The following RBFOX1 variants were observed in gnomAD, a reference collection of about 807,000 sequenced individuals.
The protein encoded by RBFOX1 is RNA binding fox-1 homolog 1, also known as RNA binding protein fox-1 homolog 1.
RBFOX1 carries 8 observed loss-of-function variants against 57.7 expected under a neutral mutation model. The observed-to-expected ratio is 0.14, with a 90% CI of 0.08 to 0.25. RBFOX1 has a LOEUF of 0.25. Among genes scored for constraint, RBFOX1 ranks in the 10% least tolerant of loss-of-function variants. The pLI, the probability that RBFOX1 is intolerant of heterozygous loss-of-function variation, is 1.00. For missense variants in RBFOX1, 611 were observed against 548.5 expected (o/e 1.11, Z -1.14); for synonymous variants, 326 against 222.4 (o/e 1.47, Z -4.15).
chr16:5,295,727 C>G (rs985791866), intron 1 of RBFOX1, among the ~76,000 whole-genome samples: 8 of 152,206 alleles, frequency 5.3e-5, no homozygotes, highest in Non-Finnish European at 1.0e-4. Flanking sequence ...AACGTAATCA[C>G]TACATCCCAT....
At chr16:6,066,724 C>T (rs1475141310) in intron 1 of RBFOX1, among the ~76,000 whole-genome samples, 1 of 152,076 alleles carries the variant, frequency 6.6e-6, no homozygotes. Flanking sequence ...TATACTGTGC[C>T]AAGCATTGGC....
rs73530031 is a variant in RBFOX1 at position 5,800,404 on chromosome 16, G to A, written c.319-66899G>A. On this transcript the variant is annotated intron_variant, in intron 3 of 19. Transcript: ENST00000641259. ...GGACATCCTGTGACCAGGACTTGAT[G>A]GACATGGGTGAAGGGAGGGGCAGGT... 5.4e-3 allele frequency among the ~76,000 whole-genome samples: 822 copies of A among 152,272 alleles called. 4 individuals are homozygous for A. The highest frequency in any genetic ancestry group is 0.019 in the African/African-American group (773 of 41,550).
At chr16:5,379,626 C>T (rs138317752) in intron 1 of RBFOX1, among the ~76,000 whole-genome samples, 7 of 152,298 alleles carry the variant, frequency 4.6e-5, no homozygotes, top group Non-Finnish European at 1.0e-4. Flanking sequence ...GTAACTTCCT[C>T]TCCATGAGCT....
At chr16:5,816,194 C>T (rs190185882) in intron 3 of RBFOX1, among the ~76,000 whole-genome samples, 3 of 152,316 alleles carry the variant, frequency 2.0e-5, no homozygotes, top group East Asian at 3.9e-4. Context: ...ATCTCTGCTA[C>T]ATCCTTAGGC....
intron 1 of RBFOX1, among the ~76,000 whole-genome samples, chr16:6,160,307 G>A (rs4786828): frequency 0.67 from 102,537 of 152,020 alleles, 35,086 homozygotes; most frequent in African/African-American, 0.75. Context: ...ACATGATATT[G>A]TAGGATATAT....
chr16:7,581,751 C>A (rs140383084), intron 6 of RBFOX1, among the ~76,000 whole-genome samples: 1 of 152,170 alleles, frequency 6.6e-6, no homozygotes, highest in Non-Finnish European at 1.5e-5. Context: ...AGTTCTCACT[C>A]TGCTACCCAG....
At chr16:5,788,027 C>G (rs965939268) in intron 3 of RBFOX1, among the ~76,000 whole-genome samples, 1 of 152,156 alleles carries the variant, frequency 6.6e-6, no homozygotes, top group Non-Finnish European at 1.5e-5. Flanking sequence ...CTTGTTTACA[C>G]CTATAGAATG....
chr16:6,931,340 T>TCTATCTACAC lies in RBFOX1; in HGVS notation c.-15-120717_-15-120716insCTATCTACAC, dbSNP rs139959481. On this transcript the variant is annotated intron_variant, in intron 3 of 15. Coordinates refer to ENST00000550418, the MANE Select transcript of RBFOX1 (RefSeq NM_018723.4). ...ATCTATCTATCTATCTATCTATCTC[T>TCTATCTACAC]ACACACACACACACACACACACATA... 5.3e-3 allele frequency among the ~76,000 whole-genome samples: 566 copies of TCTATCTACAC among 106,916 alleles called. 3 individuals carry two copies. Among genetic ancestry groups the TCTATCTACAC allele is most frequent in the African/African-American group, 0.017 (520 of 30,122 alleles). 70.1% of individuals were successfully genotyped at this position (106,916 alleles called of 152,430 possible).
chr16:5,795,717 C>G (rs2151742345), intron 3 of RBFOX1, among the ~76,000 whole-genome samples: 1 of 152,324 alleles, frequency 6.6e-6, no homozygotes, highest in Admixed American at 6.5e-5. Context: ...CTAAATAGAT[C>G]CATTTCCCCC....
At chr16:6,612,409 A>G (rs1601515594) in intron 2 of RBFOX1, among the ~76,000 whole-genome samples, 1 of 152,242 alleles carries the variant, frequency 6.6e-6, no homozygotes, top group Admixed American at 6.5e-5. Context: ...TCATGTATGC[A>G]TATGTGTGTA....
chr16:6,777,646 G>T (rs937514083), intron 3 of RBFOX1, among the ~76,000 whole-genome samples: 1 of 152,094 alleles, frequency 6.6e-6, no homozygotes, highest in African/African-American at 2.4e-5. Flanking sequence ...TAAAAATCCA[G>T]TTTCTTAGCC....
chr16:7,615,729 C>T (rs1168926261), intron 10 of RBFOX1, among the ~76,000 whole-genome samples: 4 of 150,996 alleles, frequency 2.6e-5, no homozygotes, highest in Admixed American at 1.3e-4. Context: ...GTGGTGGGGG[C>T]GGGGATTGGG....
At chr16:7,325,970 G>A (rs139353722) in intron 4 of RBFOX1, among the ~76,000 whole-genome samples, 3 of 152,264 alleles carry the variant, frequency 2.0e-5, no homozygotes. Context: ...GGTTCAAGCT[G>A]ATACCCTAGT....
At chr16:5,268,506 T>C (rs573894845) in intron 1 of RBFOX1, among the ~76,000 whole-genome samples, 66 of 152,360 alleles carry the variant, frequency 4.3e-4, no homozygotes, top group South Asian at 8.3e-4. Flanking sequence ...ATTCATAAAG[T>C]TTAGCAGTCA....
intron 4 of RBFOX1, among the ~76,000 whole-genome samples, chr16:7,127,440 G>T (rs2151916504): frequency 6.6e-6 from 1 of 152,230 alleles, no homozygotes; most frequent in South Asian, 2.1e-4. Context: ...TATATATACT[G>T]TTATGTCAAG....
intron 3 of RBFOX1, among the ~76,000 whole-genome samples, chr16:5,615,678 G>A (rs752540597): frequency 3.3e-5 from 5 of 152,284 alleles, no homozygotes; most frequent in South Asian, 2.1e-4. Context: ...GGATCGAGCC[G>A]TTTCTATGTG....
At chr16:5,689,943 G>A (rs1183629657) in intron 3 of RBFOX1, among the ~76,000 whole-genome samples, 1 of 152,230 alleles carries the variant, frequency 6.6e-6, no homozygotes, top group Non-Finnish European at 1.5e-5. Flanking sequence ...ACCTGGAGAC[G>A]TAGAGCATGG....
chr16:7,098,882 T>C (rs188650582), intron 4 of RBFOX1, among the ~76,000 whole-genome samples: 1 of 152,314 alleles, frequency 6.6e-6, no homozygotes, highest in African/African-American at 2.4e-5. Context: ...TTTTTTGCAG[T>C]AACCCTCAGT....
chr16:7,640,975 A>G (rs531879996), intron 11 of RBFOX1, among the ~76,000 whole-genome samples: 1 of 151,930 alleles, frequency 6.6e-6, no homozygotes, highest in East Asian at 1.9e-4. Context: ...CAACGGCAAG[A>G]TCTTGCTTGG....
Sources: allele counts gnomAD v4.1 joint callset (sites outside exome capture counted in the v4.1 genomes callset), GRCh38; gene constraint gnomAD v4.1.1; transcripts MANE v1.5; gene names NCBI Gene and HGNC (gene_info 2026-07-23, HGNC 2026-07-21).